The following KIF6 variants were observed in gnomAD, a reference collection of about 807,000 sequenced individuals.
The protein encoded by KIF6 is kinesin-like protein KIF6.
KIF6 carries 106 observed loss-of-function variants against 112.7 expected under a neutral mutation model. That is an observed-to-expected ratio of 0.94 (90% CI 0.80 to 1.11). The LOEUF (loss-of-function observed/expected upper bound fraction) is 1.11, where lower values mean the gene tolerates loss of function less well. Among genes scored for constraint, KIF6 ranks in the 50% least tolerant of loss-of-function variants. KIF6 has a pLI of 0.00. For missense variants in KIF6, 929 were observed against 964.0 expected (o/e 0.96, Z 0.48); for synonymous variants, 339 against 339.9 (o/e 1.00, Z 0.03).
chr6:39,345,636 A>G (rs1581629830), intron 21 of KIF6, 64 bp downstream of exon 21: 1 of 1,350,934 alleles, frequency 7.4e-7, no homozygotes, highest in African/African-American at 1.4e-5. Flanking sequence ...AGTAGACTGG[A>G]GATGGAGGCC....
intron 15 of KIF6, among the ~76,000 whole-genome samples, chr6:39,400,663 G>C (rs924150013): frequency 6.6e-6 from 1 of 152,182 alleles, no homozygotes; most frequent in Admixed American, 6.5e-5. Context: ...AGAGGGTTGT[G>C]GGGGAGAAGC....
Position 39,725,318 on chromosome 6 carries a change from C to G in KIF6, c.-8G>C, listed in dbSNP as rs1017602079. 4 of 1,606,492 alleles carry G rather than the reference C, an allele frequency of 2.5e-6. No homozygotes were observed. In the African/African-American group the frequency reaches 5.4e-5, roughly 22 times the overall value. ...GATAGTCTGCTTCACCATCTCCTCCCTGGCTCTGCAATGACCCTTGACCTC... is the reference window on the plus strand; with the variant it reads ...GATAGTCTGCTTCACCATCTCCTCCGTGGCTCTGCAATGACCCTTGACCTC... On this transcript the variant is annotated 5_prime_UTR_variant, in exon 1 of 23. Transcript: ENST00000287152.
intron 4 of KIF6, 133 bp from the exon 5 acceptor site, chr6:39,635,091 C>T (rs763376342): frequency 1.7e-6 from 1 of 584,248 alleles, no homozygotes; most frequent in Non-Finnish European, 3.0e-6. Context: ...TTTACATTTT[C>T]AGTTCATGAC....
chr6:39,571,915 T>C (rs1364618494), intron 10 of KIF6, among the ~76,000 whole-genome samples: 1 of 151,462 alleles, frequency 6.6e-6, no homozygotes, highest in Non-Finnish European at 1.5e-5. Flanking sequence ...AGAATCTTTG[T>C]TAGAAGGGTG....
rs151085484 is a variant in KIF6, at chr6:39,578,187, T to C, written c.1078-28A>G. The C allele has an allele frequency of 2.2e-4, 320 of 1,425,992 alleles. 3 individuals carry two copies. In the East Asian group the frequency reaches 7.2e-3, roughly 32 times the overall value. 88.3% of individuals were successfully genotyped at this position (1,425,992 alleles called of 1,614,324 possible). ...ACAAATGGCAAAGAGGCAGAGAAAA[T>C]GTCAACTTCTCATTAAGGTGAACTT... On this transcript the variant is annotated intron_variant, in intron 9 of 22. Transcript: ENST00000287152.
chr6:39,602,819 C>A (rs2150699395), intron 6 of KIF6, among the ~76,000 whole-genome samples: 1 of 152,270 alleles, frequency 6.6e-6, no homozygotes, highest in East Asian at 1.9e-4. Flanking sequence ...AGAATGTCCT[C>A]TAGCTTATCA....
chr6:39,380,582 C>T (rs1581721248), intron 16 of KIF6, among the ~76,000 whole-genome samples: 2 of 152,026 alleles, frequency 1.3e-5, no homozygotes, highest in East Asian at 3.9e-4. Flanking sequence ...CACACCCGGC[C>T]ATGAAAGGGC....
intron 9 of KIF6, among the ~76,000 whole-genome samples, chr6:39,580,101 C>T (rs1027767384): frequency 6.6e-6 from 1 of 152,132 alleles, no homozygotes; most frequent in African/African-American, 2.4e-5. Context: ...TTTCGTCAGA[C>T]ATCAAATTAA....
rs1763819656 is a variant in KIF6 at position 39,346,504 on chromosome 6, C to T, written c.2203G>A (p.Asp735Asn). 6 of 714,416 alleles carry T rather than the reference C, an allele frequency of 8.4e-6. 1 individual carries two copies. Among genetic ancestry groups the T allele is most frequent in the South Asian group, 4.5e-5 (3 of 67,352 alleles). The allele number at this position is 714,416 out of a possible 1,614,324, so 44.3% of individuals were successfully genotyped here. A position where few individuals can be genotyped will look rare whatever the true frequency, so the allele number is the denominator to read the frequency against. ...NKSSGGWEVQ[D>N]QGTGRFDVCD... ...ACATCGAATCTGCCAGTGCCTTGAT[C>T]TTGGACTTCCCAGCCTCCAGAACTG... The change falls in exon 20 of 23, where the codon GAT becomes AAT. Residue 735 changes from aspartate (D) to asparagine (N), a missense_variant. Coordinates refer to ENST00000287152, the MANE Select transcript of KIF6 (RefSeq NM_145027.6).
chr6:39,714,627 T>C (rs769695574), intron 3 of KIF6, 65 bp downstream of exon 3: 24 of 1,064,790 alleles, frequency 2.3e-5, no homozygotes, highest in Non-Finnish European at 3.2e-5. Context: ...CTACCACAGT[T>C]ATCTGAGAAT....
chr6:39,605,509 T>C (rs758962182), intron 6 of KIF6, among the ~76,000 whole-genome samples: 8 of 152,208 alleles, frequency 5.3e-5, no homozygotes, highest in Non-Finnish European at 7.4e-5. Flanking sequence ...TACCTTTTAC[T>C]ATCCTGTGTA....
intron 16 of KIF6, among the ~76,000 whole-genome samples, chr6:39,377,466 C>A (rs1766541053): frequency 6.6e-6 from 1 of 151,730 alleles, no homozygotes; most frequent in Admixed American, 6.6e-5. Flanking sequence ...TCAGTGAAAT[C>A]TGGGGAATAA....
intron 6 of KIF6, among the ~76,000 whole-genome samples, chr6:39,600,920 C>G (rs1005718823): frequency 6.6e-6 from 1 of 152,098 alleles, no homozygotes; most frequent in African/African-American, 2.4e-5. Context: ...TTTCATGTTT[C>G]TAGAATGCCA....
At chr6:39,641,994 G>A (rs138727503) in intron 3 of KIF6, among the ~76,000 whole-genome samples, 1,612 of 152,180 alleles carry the variant, frequency 0.011, 17 homozygotes, top group Non-Finnish European at 0.015. Flanking sequence ...ACAATTAAAC[G>A]TTAAATAAGG....
At chr6:39,400,421 A>C (rs935420235) in intron 15 of KIF6, among the ~76,000 whole-genome samples, 1 of 152,232 alleles carries the variant, frequency 6.6e-6, no homozygotes, top group Non-Finnish European at 1.5e-5. Context: ...CCCTTCTTAA[A>C]AATATCAAAA....
rs539238309 is a variant in KIF6, at chr6:39,574,251, T to A, written c.1181+3805A>T. On this transcript the variant is annotated intron_variant, in intron 10 of 22. Coordinates refer to ENST00000287152, the MANE Select transcript of KIF6 (RefSeq NM_145027.6). ...ATATAATATAAATATTATACAATAG[T>A]AAGAATCATAAAGAAGATATAACAA... Among the ~76,000 whole-genome samples the A allele has an allele frequency of 8.0e-3, 1,218 of 152,304 alleles. 19 individuals are homozygous for A. The highest frequency in any genetic ancestry group is 0.028 in the African/African-American group (1,157 of 41,570).
At chr6:39,512,604 T>C (rs1776845739) in intron 13 of KIF6, among the ~76,000 whole-genome samples, 2 of 152,216 alleles carry the variant, frequency 1.3e-5, no homozygotes, top group African/African-American at 4.8e-5. Flanking sequence ...TTACTCCCTC[T>C]ATGCTGGCAC....
At chr6:39,531,667 T>C (rs926160132) in intron 13 of KIF6, among the ~76,000 whole-genome samples, 1 of 152,084 alleles carries the variant, frequency 6.6e-6, no homozygotes, top group Non-Finnish European at 1.5e-5. Flanking sequence ...CACTCACGGT[T>C]CTTGTCTCCA....
At chr6:39,599,262 A>G (rs1782450956) in intron 6 of KIF6, among the ~76,000 whole-genome samples, 1 of 152,184 alleles carries the variant, frequency 6.6e-6, no homozygotes, top group Non-Finnish European at 1.5e-5. Flanking sequence ...ATATGAGTAA[A>G]TATGTTCAGA....
Sources: gnomAD v4.1 joint callset for allele counts (sites outside exome capture counted in the v4.1 genomes callset) on GRCh38, gnomAD v4.1.1 for gene constraint, MANE v1.5 for transcripts, NCBI Gene and HGNC (gene_info 2026-07-23, HGNC 2026-07-21) for gene names.